DSCAM: variants seen among roughly 807,000 people sequenced by gnomAD.
The protein encoded by DSCAM is cell adhesion molecule DSCAM.
A neutral mutation model predicts 217.7 loss-of-function variants in DSCAM; 47 were observed. The observed-to-expected ratio is 0.22, with a 90% CI of 0.17 to 0.28. The LOEUF is 0.28. Ranked by LOEUF, DSCAM falls within the 10% of genes least tolerant of loss-of-function variation. The probability of loss-of-function intolerance (pLI) is 1.00; values close to 1 mark genes in which losing one functional copy is unlikely to be tolerated. For synonymous variants in DSCAM, 1,056 were observed against 1,015.3 expected, an observed-to-expected ratio of 1.04 and a Z score of -0.76; for missense variants, 2,080 against 2,618.3, an observed-to-expected ratio of 0.79 and a Z score of 4.49.
chr21:40,190,202 C>T (rs2090939980), intron 11 of DSCAM, among the ~76,000 whole-genome samples: 1 of 152,132 alleles, frequency 6.6e-6, no homozygotes, highest in Non-Finnish European at 1.5e-5. Context: ...TAAAAGAAGT[C>T]TAATACATAG....
intron 21 of DSCAM, among the ~76,000 whole-genome samples, chr21:40,089,020 T>C (rs911831355): frequency 6.6e-6 from 1 of 152,250 alleles, no homozygotes; most frequent in Non-Finnish European, 1.5e-5. Context: ...TCTGTTCCAC[T>C]CTATTCCATT....
At chr21:40,050,973 C>T (rs569246598) in intron 30 of DSCAM, among the ~76,000 whole-genome samples, 1 of 152,290 alleles carries the variant, frequency 6.6e-6, no homozygotes, top group South Asian at 2.1e-4. Context: ...AATTTCAATG[C>T]CTGCTGAAAC....
chr21:40,322,610 C>G (rs532656037), intron 8 of DSCAM, among the ~76,000 whole-genome samples: 1 of 151,802 alleles, frequency 6.6e-6, no homozygotes, highest in African/African-American at 2.4e-5. Flanking sequence ...TGGCAACCTC[C>G]GCCTCCCAGG....
At position 40,637,207 on chromosome 21, in the gene DSCAM, ATATATATAAATATAAATAT is replaced by A. The variant is rs2089780099; in HGVS notation, c.508+55584_508+55602del. Among the ~76,000 whole-genome samples, 2 of 8,590 alleles carry A rather than the reference ATATATATAAATATAAATAT, an allele frequency of 2.3e-4. 1 individual carries two copies. Among genetic ancestry groups the A allele is most frequent in the African/African-American group, 1.9e-3 (2 of 1,050 alleles). 5.6% of individuals were successfully genotyped at this position (8,590 alleles called of 152,430 possible). A position where few individuals can be genotyped will look rare whatever the true frequency, so the allele number is the denominator to read the frequency against. The stretch of plus-strand genomic sequence containing the variant: ...TATATAAATATAAATATATATATAA[ATATATATAAATATAAATAT>A]ATATATATAAATATAAATATATATA... On this transcript the variant is annotated intron_variant, in intron 3 of 32. Coordinates refer to ENST00000400454, the MANE Select transcript of DSCAM (RefSeq NM_001389.5).
chr21:40,277,271 C>G (rs2837549), intron 10 of DSCAM, among the ~76,000 whole-genome samples: 2 of 151,974 alleles, frequency 1.3e-5, no homozygotes, highest in African/African-American at 4.8e-5. Flanking sequence ...GGCCCAAGAA[C>G]CTACACGGGA....
At chr21:40,579,011 G>A (rs2076880674) in intron 3 of DSCAM, among the ~76,000 whole-genome samples, 1 of 152,150 alleles carries the variant, frequency 6.6e-6, no homozygotes, top group Non-Finnish European at 1.5e-5. Flanking sequence ...ACAACAATAT[G>A]CATTGTGCAA....
At chr21:40,733,394 A>G (rs779773718) in intron 1 of DSCAM, among the ~76,000 whole-genome samples, 1 of 152,182 alleles carries the variant, frequency 6.6e-6, no homozygotes, top group Non-Finnish European at 1.5e-5. Context: ...CACTGGGGGT[A>G]ATTTTGCCCT....
In DSCAM at chr21:40,290,038, G is replaced by A. The variant is rs548709129; in HGVS notation, c.2182+6017C>T. On this transcript the variant is annotated intron_variant, in intron 10 of 32. Coordinates refer to ENST00000400454, the MANE Select transcript of DSCAM (RefSeq NM_001389.5). The stretch of plus-strand genomic sequence containing the variant: ...ACAAAGAAGAACAGACCTTGCTGGG[G>A]AAAAGACATGGAGAACAGAAATGGA... Among the ~76,000 whole-genome samples, 6 of 152,158 alleles carry A rather than the reference G, an allele frequency of 3.9e-5. No homozygotes were observed. In the South Asian group the frequency reaches 1.2e-3, roughly 32 times the overall value.
chr21:40,813,469 G>A (rs1260100493), intron 1 of DSCAM, among the ~76,000 whole-genome samples: 1 of 152,062 alleles, frequency 6.6e-6, no homozygotes, highest in African/African-American at 2.4e-5. Context: ...TTCCCTCTTA[G>A]CACTGCTTTT....
At chr21:40,155,855 G>C (rs2090470494) in intron 16 of DSCAM, among the ~76,000 whole-genome samples, 1 of 151,950 alleles carries the variant, frequency 6.6e-6, no homozygotes, top group African/African-American at 2.4e-5. Flanking sequence ...GAAAAGGCAG[G>C]AAAGGAGGGT....
intron 3 of DSCAM, among the ~76,000 whole-genome samples, chr21:40,662,501 G>T (rs929350307): frequency 2.0e-5 from 3 of 152,322 alleles, no homozygotes; most frequent in African/African-American, 7.2e-5. Flanking sequence ...TTGAACAGCA[G>T]ATATCAGATG....
At chr21:40,355,466 T>C (rs2074681743) in intron 4 of DSCAM, among the ~76,000 whole-genome samples, 1 of 152,212 alleles carries the variant, frequency 6.6e-6, no homozygotes, top group African/African-American at 2.4e-5. Context: ...CAGCTCAATG[T>C]CCTTCAAGTT....
intron 30 of DSCAM, among the ~76,000 whole-genome samples, chr21:40,044,495 G>A (rs934866565): frequency 3.9e-5 from 6 of 152,162 alleles, no homozygotes; most frequent in Non-Finnish European, 8.8e-5. Flanking sequence ...GCAGGGAAAA[G>A]AACACCCTAC....
rs760324928 is a variant in DSCAM, at chr21:40,189,205, G to C, written c.2390C>G (p.Thr797Ser). 1.2e-6 allele frequency: 2 copies of C among 1,610,012 alleles called. No individual in the cohort carries two copies. Among genetic ancestry groups the C allele is most frequent in the East Asian group, 2.2e-5 (1 of 44,808 alleles). ...PAMITSYPNT[T>S]LATQGQKKEM... is the part of the protein sequence containing the mutation. Reference sequence around the variant, plus strand: ...CTTTTTCTGCCCCTGCGTGGCCAGGGTAGTATTTGGATAGGATGTTATCAT... The same window carrying C: ...CTTTTTCTGCCCCTGCGTGGCCAGGCTAGTATTTGGATAGGATGTTATCAT... Residue 797 changes from threonine to serine, a missense_variant, in exon 12 of 33, where the codon ACC (threonine) becomes AGC (serine). By Grantham distance (58) the Thr-to-Ser change is moderately conservative. Coordinates refer to ENST00000400454, the MANE Select transcript of DSCAM (RefSeq NM_001389.5).
intron 3 of DSCAM, among the ~76,000 whole-genome samples, chr21:40,447,273 CA>C (rs2075682852): frequency 6.6e-6 from 1 of 152,214 alleles, no homozygotes; most frequent in African/African-American, 2.4e-5. Flanking sequence ...ATTACCATCA[CA>C]AAACCTAACA....
rs555580483 is a variant in DSCAM at position 40,035,941 on chromosome 21, G to C, written c.5686+6430C>G. ...CTGGGTACATAACGAAATGAAGCTAGAAATAAAGATGTTCTTTGAAACCAA... is the reference window on the plus strand; with the variant it reads ...CTGGGTACATAACGAAATGAAGCTACAAATAAAGATGTTCTTTGAAACCAA... On this transcript the variant is annotated intron_variant, in intron 32 of 32. Transcript: ENST00000400454. Among the ~76,000 whole-genome samples the C allele has an allele frequency of 6.5e-4, 97 of 149,276 alleles. 2 individuals carry two copies. The South Asian group carries it at 0.02, about 31-fold the overall frequency.
At chr21:40,216,114 G>C (rs1010093649) in intron 11 of DSCAM, among the ~76,000 whole-genome samples, 2 of 151,816 alleles carry the variant, frequency 1.3e-5, no homozygotes, top group Non-Finnish European at 2.9e-5. Context: ...TTTTTGTTTT[G>C]TATTTGTTTT....
chr21:40,144,545 G>A lies in DSCAM; in HGVS notation c.3205C>T (p.Arg1069Trp), dbSNP rs1341477357. The change falls in exon 17 of 33, where the codon CGG becomes TGG. Residue 1069 changes from arginine (R) to tryptophan (W), a missense_variant. Around this residue, in one of 5 missense-constraint regions of DSCAM, gnomAD observed 1,144 missense variants for 1,421.1 expected, o/e 0.81. Coordinates refer to ENST00000400454, the MANE Select transcript of DSCAM (RefSeq NM_001389.5). The surrounding 1 kb of genome is among the most constrained non-coding windows in gnomAD (Gnocchi z 4.8). ...QYGLVVQACN[R>W]AGTGPSSQEI... is the part of the protein sequence containing the mutation. ...TGAGAAGAAGGCCCCGTGCCGGCCCGGTTACAGGCCTGCACCACCAGGCCG... is the reference window on the plus strand; with the variant it reads ...TGAGAAGAAGGCCCCGTGCCGGCCCAGTTACAGGCCTGCACCACCAGGCCG... 2.5e-6 allele frequency: 4 copies of A among 1,614,216 alleles called. No individual in the cohort carries two copies. The highest frequency in any genetic ancestry group is 1.6e-4 in the Middle Eastern group (1 of 6,062).
At chr21:40,481,212 G>A (rs182090981) in intron 3 of DSCAM, among the ~76,000 whole-genome samples, 127 of 152,308 alleles carry the variant, frequency 8.3e-4, no homozygotes, top group African/African-American at 2.6e-3. Flanking sequence ...AGAACAGGCC[G>A]GGTGCGGTAG....
Sources: allele counts gnomAD v4.1 joint callset (sites outside exome capture counted in the v4.1 genomes callset), GRCh38; gene constraint gnomAD v4.1.1; regional missense constraint gnomAD v4.1.1; non-coding constraint Gnocchi (gnomAD v3.1); transcripts MANE v1.5; gene names NCBI Gene and HGNC (gene_info 2026-07-23, HGNC 2026-07-21).